The following NBPF9 variants were observed in gnomAD, a reference collection of about 807,000 sequenced individuals.
The protein encoded by NBPF9 is NBPF member 9, also known as NBPF family member NBPF9.
In NBPF9, 91 loss-of-function variants were observed where a neutral mutation model predicts 97.8. The observed-to-expected ratio is 0.93, with a 90% CI of 0.79 to 1.11. NBPF9 has a LOEUF of 1.11. NBPF9 is among the 50% of genes least tolerant of loss of function. The pLI is 0.00. For missense variants in NBPF9, 992 were observed against 939.5 expected (o/e 1.06, Z -0.73); for synonymous variants, 334 against 359.5 (o/e 0.93, Z 0.80).
chr1:149,072,639 T>C (rs587696994), intron 14 of NBPF9, 79 bp downstream of exon 14: 2 of 1,526,064 alleles, frequency 1.3e-6, no homozygotes, highest in South Asian at 2.2e-5. Context: ...TTGATACAAC[T>C]GTCATTGTGA....
intron 5 of NBPF9, among the ~76,000 whole-genome samples, chr1:149,089,588 G>C (rs2081280885): frequency 6.6e-6 from 1 of 152,296 alleles, no homozygotes; most frequent in African/African-American, 2.4e-5. Flanking sequence ...CTGTGGGAAG[G>C]AGGAGGGGAT....
chr1:149,055,607 T>G, exon 30 of NBPF9: 1 of 1,610,568 alleles, frequency 6.2e-7, no homozygotes, highest in South Asian at 1.1e-5. Flanking sequence ...TTCACGTGCC[T>G]ATAGGTCCTG....
chr1:149,079,335 T>A lies in NBPF9; in HGVS notation c.279-114A>T, dbSNP rs1175506288. 20 of 1,143,090 alleles carry A rather than the reference T, an allele frequency of 1.7e-5. No individual in the cohort carries two copies. In the South Asian group the frequency reaches 2.4e-4, roughly 14 times the overall value. 70.8% of individuals were successfully genotyped at this position (1,143,090 alleles called of 1,614,324 possible). ...CTCAAGGAGACCTTGAAACAGAAGG[T>A]CAGCACATGTTGAAAGGAATGTCTG... is the stretch of plus-strand genomic sequence containing the variant. On this transcript the variant is annotated intron_variant, in intron 8 of 29. Coordinates refer to ENST00000584027, the Ensembl canonical transcript of NBPF9.
chr1:149,079,795 G>A (rs2080248756), intron 8 of NBPF9, among the ~76,000 whole-genome samples: 1 of 152,008 alleles, frequency 6.6e-6, no homozygotes. Flanking sequence ...CCACTCCTTT[G>A]GTGAATTTTG....
At position 149,062,409 on chromosome 1, in the gene NBPF9, G is replaced by T. The variant is rs4086309; in HGVS notation, c.2079-144C>A. The T allele has an allele frequency of 1.0e-3, 675 of 667,186 alleles. 61 individuals are homozygous for T. Among genetic ancestry groups the T allele is most frequent in the African/African-American group, 1.4e-3 (74 of 52,544 alleles). 41.3% of individuals were successfully genotyped at this position (667,186 alleles called of 1,614,324 possible). A position where few individuals can be genotyped will look rare whatever the true frequency, so the allele number is the denominator to read the frequency against. On this transcript the variant is annotated intron_variant, in intron 21 of 29. Coordinates refer to ENST00000584027, the Ensembl canonical transcript of NBPF9. ...ATGAGGTAATGAATTATTGCCTTTA[G>T]GTTGGGATAGACCAGGGTCAGGTGG...
chr1:149,081,575 T>C (rs74318944), intron 7 of NBPF9, among the ~76,000 whole-genome samples: 8 of 152,072 alleles, frequency 5.3e-5, no homozygotes, highest in African/African-American at 1.9e-4. Context: ...TCAACGGAAA[T>C]TTGAACTGAA....
At chr1:149,064,630 G>T (rs587690637) in intron 18 of NBPF9, 148 bp from the exon 19 acceptor site, 228 of 629,340 alleles carry the variant, frequency 3.6e-4, no homozygotes, top group African/African-American at 3.5e-3. Flanking sequence ...GTAGGCCTGA[G>T]GTCAAGTCTT....
rs1339918432 is a variant in NBPF9 at position 149,085,791 on chromosome 1, T to C, written c.-194-3361A>G. Among the ~76,000 whole-genome samples, 8 of 151,778 alleles carry C rather than the reference T, an allele frequency of 5.3e-5. No homozygotes were observed. In the South Asian group the frequency reaches 1.7e-3, roughly 32 times the overall value. The stretch of plus-strand genomic sequence containing the variant: ...AAGGCATAATTTCGGTACAACAGAC[T>C]GCACCACTTTAAAATGTGTAATTCA... On this transcript the variant is annotated intron_variant, in intron 5 of 29. Coordinates refer to ENST00000584027, the Ensembl canonical transcript of NBPF9.
chr1:149,101,066 G>C (rs2082114523), intron 3 of NBPF9, among the ~76,000 whole-genome samples, 196 bp downstream of exon 3: 1 of 151,334 alleles, frequency 6.6e-6, no homozygotes, highest in Non-Finnish European at 1.5e-5. Flanking sequence ...TAAAGGAAAA[G>C]ATTGATAAAG....
intron 7 of NBPF9, 87 bp downstream of exon 7, chr1:149,081,878 A>C (rs1267613188): frequency 2.7e-5 from 24 of 878,970 alleles, no homozygotes; most frequent in African/African-American, 1.1e-4. Context: ...GGATGAAATT[A>C]TTTTTGATGG....
At chr1:149,082,641 G>A (rs2080581510) in intron 5 of NBPF9, among the ~76,000 whole-genome samples, 1 of 140,756 alleles carries the variant, frequency 7.1e-6, no homozygotes, top group Admixed American at 7.2e-5. Context: ...ATACATCTAA[G>A]CATATTCCTC....
At chr1:149,063,888 A>T in intron 19 of NBPF9, 83 bp from the exon 20 acceptor site, 1 of 679,604 alleles carries the variant, frequency 1.5e-6, no homozygotes, top group South Asian at 1.7e-5. Context: ...GGCTAACATA[A>T]GGAAGAGTTT....
intron 17 of NBPF9, chr1:149,066,237 C>A (rs1184696080): frequency 9.1e-6 from 1 of 110,218 alleles, no homozygotes; most frequent in Non-Finnish European, 1.8e-5. Flanking sequence ...GAATAGGCAA[C>A]ACCAAGAAAT....
exon 30 of NBPF9, chr1:149,055,760 C>T: frequency 6.2e-7 from 1 of 1,611,698 alleles, no homozygotes. Flanking sequence ...ATGTGCTGTT[C>T]CTCAAATGAG....
intron 14 of NBPF9, among the ~76,000 whole-genome samples, chr1:149,072,442 G>A (rs1272850876): frequency 3.3e-5 from 5 of 152,018 alleles, no homozygotes; most frequent in Admixed American, 6.6e-5. Context: ...TGCTCCCATC[G>A]CAGCCTCCTT....
At chr1:149,076,616 C>G (rs1165836639) in intron 11 of NBPF9, among the ~76,000 whole-genome samples, 1 of 150,274 alleles carries the variant, frequency 6.7e-6, no homozygotes, top group Non-Finnish European at 1.5e-5. Flanking sequence ...CATTCTCCTG[C>G]CTCAGCCTCC....
At chr1:149,055,691 G>C (rs782218919) in exon 30 of NBPF9, 3 of 1,611,930 alleles carry the variant, frequency 1.9e-6, no homozygotes, top group Non-Finnish European at 2.5e-6. Context: ...TGGAACACCA[G>C]GTGGAGACTT....
At position 149,071,071 on chromosome 1, in the gene NBPF9, G is replaced by C. The variant is rs782734923; in HGVS notation, c.1448C>G (p.Ser483Ter). 8.7e-6 allele frequency: 14 copies of C among 1,610,738 alleles called. No individual in the cohort carries two copies. The South Asian group carries it at 1.5e-4, about 18-fold the overall frequency. ...GGAGTCATAAGGGCCATGGCTATTTGAATAAGTGATGGCACATTCCTCCAG... is the reference window on the plus strand; with the variant it reads ...GGAGTCATAAGGGCCATGGCTATTTCAATAAGTGATGGCACATTCCTCCAG... The change falls in exon 16 of 30, where the codon TCA becomes TGA. Residue 483 changes from serine (S) to a stop codon, truncating the protein, a stop_gained. Transcript: ENST00000584027. LOFTEE classifies it high-confidence loss of function.
intron 26 of NBPF9, chr1:149,058,563 G>C: frequency 4.1e-6 from 1 of 241,346 alleles, no homozygotes; most frequent in Non-Finnish European, 7.8e-6. Context: ...CAAATGCCCA[G>C]CTCGTTCATG....
Sources: allele counts gnomAD v4.1 joint callset (sites outside exome capture counted in the v4.1 genomes callset), GRCh38; gene constraint gnomAD v4.1.1; transcripts MANE v1.5; gene names NCBI Gene and HGNC (gene_info 2026-07-23, HGNC 2026-07-21).